Variants in SGCD observed in about 807,000 individuals in gnomAD.
SGCD encodes the protein sarcoglycan delta.
SGCD carries 18 observed loss-of-function variants against 36.6 expected under a neutral mutation model. That is an observed-to-expected ratio of 0.49 (90% confidence interval 0.34 to 0.73). The LOEUF is 0.73. Among genes scored for constraint, SGCD ranks in the 30% least tolerant of loss-of-function variants. The pLI is 0.01. For synonymous variants in SGCD, 133 were observed against 130.6 expected, an observed-to-expected ratio of 1.02 and a Z score of -0.12; for missense variants, 387 against 346.7, an observed-to-expected ratio of 1.12 and a Z score of -0.92.
intron 6 of SGCD, among the ~76,000 whole-genome samples, chr5:156,641,864 T>C (rs1301463424): frequency 2.0e-5 from 3 of 152,182 alleles, no homozygotes; most frequent in African/African-American, 7.2e-5. Context: ...TCTACCACCA[T>C]CTCTCTCCTG....
At chr5:156,178,751 T>G (rs921372762) in intron 3 of SGCD, among the ~76,000 whole-genome samples, 1 of 152,060 alleles carries the variant, frequency 6.6e-6, no homozygotes, top group South Asian at 2.1e-4. Flanking sequence ...AATTTTTGTA[T>G]TTTTAGTAGA....
chr5:155,804,943 A>G, the SGCD span, among the ~76,000 whole-genome samples: 12 of 152,208 alleles, frequency 7.9e-5, no homozygotes, highest in South Asian at 2.1e-4. Flanking sequence ...GTGCTACCCA[A>G]TAGAACTTTC....
chr5:155,750,839 T>C, the SGCD span, among the ~76,000 whole-genome samples: 5 of 152,180 alleles, frequency 3.3e-5, no homozygotes, highest in African/African-American at 1.2e-4. Context: ...TGTCATTTGC[T>C]AGTTCATAAC....
the SGCD span, among the ~76,000 whole-genome samples, chr5:155,734,329 C>CGAGTAT: frequency 6.6e-6 from 1 of 151,718 alleles, no homozygotes; most frequent in Admixed American, 6.6e-5. Flanking sequence ...TGCAGCCTTC[C>CGAGTAT]GAGTATCTGG....
rs561064888 is a variant in SGCD, at chr5:156,640,988, C to T, written c.503-6476C>T. On this transcript the variant is annotated intron_variant, in intron 6 of 8. Transcript: ENST00000337851. ...GAAGATTTTCAGAAGCTGACAGCCACCTTCCCTGTGCTTAATCCTGACACT... is the reference window on the plus strand; with the variant it reads ...GAAGATTTTCAGAAGCTGACAGCCATCTTCCCTGTGCTTAATCCTGACACT... Among the ~76,000 whole-genome samples, 146 of 152,298 alleles carry T rather than the reference C, an allele frequency of 9.6e-4. 1 individual carries two copies. Among genetic ancestry groups the T allele is most frequent in the Non-Finnish European group, 1.6e-3 (110 of 68,030 alleles).
At chr5:156,547,963 A>G (rs1160436166) in intron 4 of SGCD, among the ~76,000 whole-genome samples, 3 of 152,200 alleles carry the variant, frequency 2.0e-5, no homozygotes, top group Non-Finnish European at 1.5e-5. Context: ...GGTAGCACAC[A>G]GGGTCATCAT....
intron 4 of SGCD, among the ~76,000 whole-genome samples, chr5:156,563,157 T>A (rs1581172980): frequency 6.6e-6 from 1 of 152,182 alleles, no homozygotes; most frequent in South Asian, 2.1e-4. Flanking sequence ...AATTTTTGTA[T>A]TTTTAGTAGA....
At chr5:156,423,143 TTTAA>T (rs1197236551) in intron 3 of SGCD, among the ~76,000 whole-genome samples, 5 of 53,558 alleles carry the variant, frequency 9.3e-5, no homozygotes, top group African/African-American at 3.6e-4. Flanking sequence ...ATAATTAATA[TTTAA>T]TTAATTATTT....
chr5:156,260,994 T>C (rs752410267), intron 3 of SGCD, among the ~76,000 whole-genome samples: 23 of 152,246 alleles, frequency 1.5e-4, no homozygotes, highest in Non-Finnish European at 2.9e-4. Context: ...CATATTCCTC[T>C]TGCATTTCTA....
chr5:156,095,612 C>T (rs183663406), intron 1 of SGCD, among the ~76,000 whole-genome samples: 13 of 152,114 alleles, frequency 8.5e-5, no homozygotes, highest in East Asian at 3.9e-4. Flanking sequence ...TTCATAAGCG[C>T]GGTGGAAACT....
chr5:156,085,694 A>G (rs1264694927), intron 1 of SGCD, among the ~76,000 whole-genome samples: 1 of 152,222 alleles, frequency 6.6e-6, no homozygotes, highest in Non-Finnish European at 1.5e-5. Flanking sequence ...ATTGTGTAAA[A>G]TTACTATTCT....
chr5:156,421,688 TA>T (rs760814722), intron 3 of SGCD, among the ~76,000 whole-genome samples: 6 of 152,034 alleles, frequency 3.9e-5, no homozygotes, highest in Non-Finnish European at 8.8e-5. Flanking sequence ...AGCCCTTAAG[TA>T]AATGAGCGCT....
intron 3 of SGCD, among the ~76,000 whole-genome samples, chr5:156,186,632 T>C (rs1031284901): frequency 6.6e-6 from 1 of 152,208 alleles, no homozygotes; most frequent in African/African-American, 2.4e-5. Context: ...TATATGCAAC[T>C]ATGAGTTTTT....
intron 1 of SGCD, among the ~76,000 whole-genome samples, chr5:155,999,183 G>A (rs1475628477): frequency 2.0e-5 from 3 of 152,196 alleles, no homozygotes; most frequent in Admixed American, 6.5e-5. Flanking sequence ...CCTTGGAAAC[G>A]TCACCCCAGG....
intron 7 of SGCD, among the ~76,000 whole-genome samples, chr5:156,652,040 T>G (rs1763482321): frequency 6.6e-6 from 1 of 152,120 alleles, no homozygotes; most frequent in South Asian, 2.1e-4. Context: ...TGTGTGGGGT[T>G]GCTTTCTTGA....
chr5:156,003,137 G>C (rs1430055968), intron 1 of SGCD, among the ~76,000 whole-genome samples: 1 of 152,144 alleles, frequency 6.6e-6, no homozygotes, highest in African/African-American at 2.4e-5. Context: ...TCCACTCCCA[G>C]TCAGTCCCTC....
chr5:156,400,356 T>C (rs901730041), intron 3 of SGCD, among the ~76,000 whole-genome samples: 2 of 152,220 alleles, frequency 1.3e-5, no homozygotes, highest in African/African-American at 4.8e-5. Context: ...AAGGTCTTAT[T>C]AAACCTATAG....
Position 156,259,154 on chromosome 5 carries a change from T to TTTATTTC in SGCD, c.-43-70380_-43-70379insTTATTTC, listed in dbSNP as rs1561588251. On this transcript the variant is annotated intron_variant, in intron 3 of 9. Transcript: ENST00000517913. ...TATTTATTTATTTATTTATTTATTTTAACCATCCTTGAGGGTGTGAATTTA... is the reference window on the plus strand; with the variant it reads ...TATTTATTTATTTATTTATTTATTTTTTATTTCAACCATCCTTGAGGGTGTGAATTTA... 5.9e-5 allele frequency among the ~76,000 whole-genome samples: 7 copies of TTTATTTC among 118,486 alleles called. 1 individual carries two copies. The East Asian group carries it at 1.6e-3, about 26-fold the overall frequency. The allele number at this position is 118,486 out of a possible 152,430, so 77.7% of individuals were successfully genotyped here.
Position 156,050,382 on chromosome 5 carries a change from T to C in SGCD, c.-281-67496T>C, listed in dbSNP as rs776828310. 4.8e-5 allele frequency among the ~76,000 whole-genome samples: 7 copies of C among 146,638 alleles called. 1 individual carries two copies. The highest frequency in any genetic ancestry group is 7.7e-5 in the Non-Finnish European group (5 of 64,998). On this transcript the variant is annotated intron_variant, in intron 1 of 9. Coordinates refer to the SGCD transcript ENST00000517913. ...TTTTACTAATAAAGTATTCTTTAAA[T>C]TATAAAGGGTACATTTTTTATACCT... is the stretch of plus-strand genomic sequence containing the variant.
Sources: allele counts gnomAD v4.1 joint callset (sites outside exome capture counted in the v4.1 genomes callset), GRCh38; gene constraint gnomAD v4.1.1; transcripts MANE v1.5; gene names NCBI Gene and HGNC (gene_info 2026-07-23, HGNC 2026-07-21).